Variants in RPRD2 observed in about 807,000 individuals in gnomAD.
RPRD2 encodes regulation of nuclear pre-mRNA domain-containing protein 2.
Under a neutral mutation model 104.4 loss-of-function variants are expected in RPRD2, and 12 were observed. The observed-to-expected ratio is 0.11, with a 90% CI of 0.07 to 0.19. The LOEUF (loss-of-function observed/expected upper bound fraction) is 0.19, where lower values mean the gene tolerates loss of function less well. RPRD2 is among the 10% of genes least tolerant of loss of function. The probability of loss-of-function intolerance (pLI) is 1.00; values close to 1 mark genes in which losing one functional copy is unlikely to be tolerated. For missense variants in RPRD2, 1,543 were observed against 1,790.1 expected, an observed-to-expected ratio of 0.86 and a Z score of 2.49; for synonymous variants, 714 against 684.9, an observed-to-expected ratio of 1.04 and a Z score of -0.66.
intron 7 of RPRD2, among the ~76,000 whole-genome samples, chr1:150,451,501 C>T (rs1309912495): frequency 1.3e-5 from 2 of 151,536 alleles, no homozygotes; most frequent in African/African-American, 4.9e-5. Flanking sequence ...CGTGAAACCC[C>T]GTCTCCACTA....
At chr1:150,429,884 G>A (rs1665434977) in intron 2 of RPRD2, among the ~76,000 whole-genome samples, 1 of 152,190 alleles carries the variant, frequency 6.6e-6, no homozygotes, top group African/African-American at 2.4e-5. Flanking sequence ...AACAGTGGAT[G>A]TATTAGAATG....
intron 2 of RPRD2, among the ~76,000 whole-genome samples, chr1:150,439,673 A>G (rs1482139052): frequency 2.1e-5 from 3 of 143,774 alleles, no homozygotes; most frequent in Non-Finnish European, 4.5e-5. Flanking sequence ...TGGTGGATTC[A>G]CTTAAGGAGA....
At chr1:150,415,379 T>C (rs1664258248) in intron 1 of RPRD2, among the ~76,000 whole-genome samples, 2 of 151,256 alleles carry the variant, frequency 1.3e-5, no homozygotes, top group African/African-American at 4.9e-5. Context: ...AGAATCAAAT[T>C]AAAATACAAG....
chr1:150,377,414 C>T (rs1329394908), intron 1 of RPRD2, among the ~76,000 whole-genome samples: 1 of 151,312 alleles, frequency 6.6e-6, no homozygotes, highest in Admixed American at 6.6e-5. Context: ...TCCTGGCTGA[C>T]GGTGAAACCC....
At chr1:150,412,423 A>G (rs1169881861) in intron 1 of RPRD2, among the ~76,000 whole-genome samples, 5 of 152,208 alleles carry the variant, frequency 3.3e-5, no homozygotes, top group Non-Finnish European at 7.3e-5. Flanking sequence ...GGGGGTGGTC[A>G]GAAACTGACA....
Position 150,470,720 on chromosome 1 carries a change from A to G in RPRD2, c.1772A>G (p.Asn591Ser), listed in dbSNP as rs769553674. ...SAQPFIPKSF[N>S]YSPNSSTSEV... Reference sequence around the variant, plus strand: ...CAACCTTTTATTCCCAAAAGCTTCAACTATTCTCCTAACTCATCAACTTCT... The same window carrying G: ...CAACCTTTTATTCCCAAAAGCTTCAGCTATTCTCCTAACTCATCAACTTCT... Residue 591 changes from asparagine to serine, a missense_variant, in exon 11 of 11, where the codon AAC becomes AGC. Asn to Ser is a conservative substitution (Grantham distance 46, BLOSUM62 1). This residue lies in a region of RPRD2 where 572 missense variants were observed against 787.3 expected (regional missense o/e 0.73). Coordinates refer to ENST00000369068, the MANE Select transcript of RPRD2 (RefSeq NM_015203.5). 6.8e-6 allele frequency: 11 copies of G among 1,613,898 alleles called. No individual in the cohort carries two copies. In the South Asian group the frequency reaches 8.8e-5, roughly 13 times the overall value.
At chr1:150,456,027 C>T (rs916390790) in intron 7 of RPRD2, among the ~76,000 whole-genome samples, 4 of 151,874 alleles carry the variant, frequency 2.6e-5, no homozygotes, top group African/African-American at 9.7e-5. Flanking sequence ...ACAGTATCTC[C>T]CTATGTTGCC....
chr1:150,455,802 A>G (rs1667486170), intron 7 of RPRD2, among the ~76,000 whole-genome samples: 1 of 152,020 alleles, frequency 6.6e-6, no homozygotes, highest in South Asian at 2.1e-4. Context: ...AACACCTAAA[A>G]CTTCTTTTAC....
intron 8 of RPRD2, among the ~76,000 whole-genome samples, chr1:150,459,615 G>A (rs1256747017): frequency 2.1e-5 from 3 of 144,650 alleles, no homozygotes; most frequent in East Asian, 2.0e-4. Context: ...TTTTTGAGAC[G>A]GGAGTCTCGC....
intron 1 of RPRD2, among the ~76,000 whole-genome samples, chr1:150,397,383 A>C (rs1377636637): frequency 6.6e-6 from 1 of 152,184 alleles, no homozygotes; most frequent in Non-Finnish European, 1.5e-5. Flanking sequence ...CTTTAAATGT[A>C]CAGTTCTATA....
Position 150,460,077 on chromosome 1 carries a change from A to G in RPRD2, c.1171A>G (p.Lys391Glu), listed in dbSNP as rs1570783966. 6.2e-7 allele frequency: 1 copy of G among 1,613,968 alleles called. No individual in the cohort carries two copies. Among genetic ancestry groups the G allele is most frequent in the South Asian group, 1.1e-5 (1 of 91,080 alleles). Residue 391 changes from lysine (K) to glutamate (E), a missense_variant, in exon 9 of 11, where the codon AAA (lysine) becomes GAA (glutamate). Transcript: ENST00000369068. ...SKIIVEDRKE[K>E]PAEKSAVSTS... is the part of the protein sequence containing the mutation. ...TGAAACAGTCGAGGACAGGAAGGAA[A>G]AACCTGCAGAGAAGTCAGCTGTATC...
At chr1:150,411,299 A>G (rs111819940) in intron 1 of RPRD2, among the ~76,000 whole-genome samples, 32,207 of 140,598 alleles carry the variant, frequency 0.23, 3,909 homozygotes, top group African/African-American at 0.33. Flanking sequence ...CGTTTCTACT[A>G]AAAATACAAA....
rs932800336 is a variant in RPRD2, at chr1:150,473,419, T to A, written c.*85T>A. The A allele has an allele frequency of 4.0e-5, 54 of 1,363,406 alleles. No homozygotes were observed. The highest frequency in any genetic ancestry group is 2.8e-4 in the Middle Eastern group (1 of 3,634). 84.5% of individuals were successfully genotyped at this position (1,363,406 alleles called of 1,614,324 possible). Reference sequence around the variant, plus strand: ...TTTATTGTTGTTGTTTTTATTTGTTTTCTCTTTCTCGATTTTTTTTTTATT... The same window carrying A: ...TTTATTGTTGTTGTTTTTATTTGTTATCTCTTTCTCGATTTTTTTTTTATT... On this transcript the variant is annotated 3_prime_UTR_variant, in exon 11 of 11. Transcript: ENST00000369068.
At chr1:150,377,721 G>T (rs1278068905) in intron 1 of RPRD2, among the ~76,000 whole-genome samples, 2 of 152,010 alleles carry the variant, frequency 1.3e-5, no homozygotes, top group African/African-American at 4.8e-5. Flanking sequence ...ACTTTGGTTG[G>T]ATTGCTGGAT....
intron 10 of RPRD2, among the ~76,000 whole-genome samples, chr1:150,469,400 C>T (rs1262671403): frequency 1.3e-5 from 2 of 152,136 alleles, no homozygotes; most frequent in African/African-American, 4.8e-5. Context: ...CCTCAGCCTC[C>T]TGAGTAGCTA....
At chr1:150,396,200 T>G (rs1178662617) in intron 1 of RPRD2, among the ~76,000 whole-genome samples, 3 of 85,404 alleles carry the variant, frequency 3.5e-5, no homozygotes, top group East Asian at 3.9e-4. Flanking sequence ...GTCTGTGTGT[T>G]TTTTTTTTTT....
Position 150,471,688 on chromosome 1 carries a change from G to T in RPRD2, c.2740G>T (p.Gly914Cys), listed in dbSNP as rs762129901. ...DRLSSSPGLFGAFSVRGNEPG... is the reference protein window; with the variant it reads ...DRLSSSPGLFCAFSVRGNEPG... ...TCTCTCATCTTCCCCTGGGCTATTT[G>T]GTGCCTTCAGCGTAAGAGGGAATGA... The change falls in exon 11 of 11, where the codon GGT becomes TGT. Residue 914 changes from glycine (G) to cysteine (C), a missense_variant. Gly to Cys is a radical substitution (Grantham distance 159). Around this residue, in one of 4 missense-constraint regions of RPRD2, gnomAD observed 880 missense variants for 885.6 expected, o/e 0.99. Transcript: ENST00000369068. The surrounding 1 kb of genome is among the most constrained non-coding windows in gnomAD (Gnocchi z 5.3). 1.2e-6 allele frequency: 2 copies of T among 1,613,792 alleles called. No homozygotes were observed. Among genetic ancestry groups the T allele is most frequent in the Admixed American group, 3.3e-5 (2 of 60,004 alleles).
chr1:150,433,721 A>G (rs1476883168), intron 2 of RPRD2, among the ~76,000 whole-genome samples: 2 of 103,260 alleles, frequency 1.9e-5, no homozygotes, highest in East Asian at 2.0e-4. Flanking sequence ...TGGGATTACC[A>G]TAGTTTTTTT....
In RPRD2 at chr1:150,472,582, C is replaced by A. The variant is rs201108869; in HGVS notation, c.3634C>A (p.Pro1212Thr). ...GTPFQREPVG[P>T]SSAPPVPPKD... Reference sequence around the variant, plus strand: ...ACCCTTCCAGAGAGAGCCAGTGGGGCCATCATCTGCCCCACCTGTCCCTCC... The same window carrying A: ...ACCCTTCCAGAGAGAGCCAGTGGGGACATCATCTGCCCCACCTGTCCCTCC... Residue 1212 changes from proline (P) to threonine (T), a missense_variant, in exon 11 of 11, where the codon CCA becomes ACA. Transcript: ENST00000369068. The A allele has an allele frequency of 6.2e-7, 1 of 1,613,914 alleles. No homozygotes were observed. The highest frequency in any genetic ancestry group is 1.7e-5 in the Admixed American group (1 of 60,026).
Sources: gnomAD v4.1 joint callset for allele counts (sites outside exome capture counted in the v4.1 genomes callset) on GRCh38, gnomAD v4.1.1 for gene constraint, gnomAD v4.1.1 regional missense constraint, Gnocchi (gnomAD v3.1) non-coding constraint, MANE v1.5 for transcripts, NCBI Gene and HGNC (gene_info 2026-07-23, HGNC 2026-07-21) for gene names.